The following ISM1 variants were observed in gnomAD, a reference collection of about 807,000 sequenced individuals.
ISM1 encodes isthmin-1.
Under a neutral mutation model 46.3 loss-of-function variants are expected in ISM1, and 25 were observed. That is an observed-to-expected ratio of 0.54 (90% CI 0.39 to 0.75). The LOEUF (loss-of-function observed/expected upper bound fraction) is 0.75, where lower values mean the gene tolerates loss of function less well. ISM1 is among the 30% of genes least tolerant of loss of function. ISM1 has a pLI of 0.00. For missense variants in ISM1, 536 were observed against 625.4 expected, an observed-to-expected ratio of 0.86 and a Z score of 1.52; for synonymous variants, 255 against 256.7, an observed-to-expected ratio of 0.99 and a Z score of 0.06.
At chr20:13,272,897 A>C (rs1263313108) in intron 2 of ISM1, among the ~76,000 whole-genome samples, 1 of 152,252 alleles carries the variant, frequency 6.6e-6, no homozygotes, top group African/African-American at 2.4e-5. Context: ...TGTTTAGGCC[A>C]TGCCCAAAAC....
intron 1 of ISM1, among the ~76,000 whole-genome samples, chr20:13,268,112 C>CTCTCTTCTCTTCTCT: frequency 1.2e-5 from 1 of 86,550 alleles, no homozygotes; most frequent in African/African-American, 5.5e-5. Context: ...CTCTCCTCTC[C>CTCTCTTCTCTTCTCT]TGTCTTCTCT....
At chr20:13,290,967 C>A (rs1016709580) in intron 4 of ISM1, among the ~76,000 whole-genome samples, 1 of 152,206 alleles carries the variant, frequency 6.6e-6, no homozygotes, top group Admixed American at 6.5e-5. Context: ...TCATTAAACT[C>A]TTTGGTCTTT....
At chr20:13,298,876 C>T in intron 5 of ISM1, 66 bp from the exon 6 acceptor site, 1 of 1,534,770 alleles carries the variant, frequency 6.5e-7, no homozygotes. Context: ...GTCACATGCT[C>T]CTTGAAGCAC....
At chr20:13,257,135 G>A (rs2039937972) in intron 1 of ISM1, among the ~76,000 whole-genome samples, 1 of 152,194 alleles carries the variant, frequency 6.6e-6, no homozygotes, top group Non-Finnish European at 1.5e-5. Context: ...TCAACATGAA[G>A]CTCCTCTTTT....
chr20:13,267,729 A>C (rs2040058906), intron 1 of ISM1, among the ~76,000 whole-genome samples: 1 of 152,188 alleles, frequency 6.6e-6, no homozygotes, highest in Non-Finnish European at 1.5e-5. Flanking sequence ...AGTAGCAAAA[A>C]CACATTTTCT....
intron 2 of ISM1, among the ~76,000 whole-genome samples, chr20:13,272,154 C>A (rs2040122532): frequency 1.3e-5 from 2 of 152,064 alleles, no homozygotes; most frequent in Non-Finnish European, 2.9e-5. Context: ...CTCTCTGGAC[C>A]AAATGCCAAT....
At chr20:13,283,610 G>C (rs1260499622) in intron 3 of ISM1, among the ~76,000 whole-genome samples, 2 of 152,222 alleles carry the variant, frequency 1.3e-5, no homozygotes, top group Non-Finnish European at 2.9e-5. Context: ...CAGCTCAACT[G>C]TGGAAAGTAT....
downstream of ISM1, among the ~76,000 whole-genome samples, chr20:13,303,903 C>T (rs1183427788): frequency 6.6e-6 from 1 of 152,158 alleles, no homozygotes; most frequent in Non-Finnish European, 1.5e-5. Context: ...ATGCTGGTTG[C>T]TGTAACAAAT....
the ISM1 span, among the ~76,000 whole-genome samples, chr20:13,315,895 A>G: frequency 1.2e-4 from 19 of 152,156 alleles, no homozygotes; most frequent in Middle Eastern, 0.01. Context: ...TCTAAATAAC[A>G]CATGGGTCAA....
chr20:13,247,181 A>ATAGGG, intron 1 of ISM1, among the ~76,000 whole-genome samples: 1 of 152,246 alleles, frequency 6.6e-6, no homozygotes, highest in East Asian at 1.9e-4. Context: ...CAGTGAGCCG[A>ATAGGG]GATCGCACCA....
chr20:13,238,016 T>C (rs1568664845), intron 1 of ISM1: 1 of 152,162 alleles, frequency 6.6e-6, no homozygotes, highest in Non-Finnish European at 1.5e-5. Flanking sequence ...TCATTCCCCT[T>C]AAAAGGAACT....
the ISM1 span, among the ~76,000 whole-genome samples, chr20:13,309,808 T>C: frequency 6.6e-6 from 1 of 151,194 alleles, no homozygotes; most frequent in Non-Finnish European, 1.5e-5. Flanking sequence ...AAAAAAACTA[T>C]CCAAAAAAGA....
At chr20:13,232,918 C>T (rs941986407) in intron 1 of ISM1, among the ~76,000 whole-genome samples, 3 of 151,988 alleles carry the variant, frequency 2.0e-5, no homozygotes, top group African/African-American at 4.8e-5. Context: ...TTCAGAATGC[C>T]CAAAGTAGTC....
Position 13,221,669 on chromosome 20 carries a change from G to A in ISM1, c.-108G>A, listed in dbSNP as rs1409115263. The A allele has an allele frequency of 1.1e-5, 11 of 986,818 alleles. No individual in the cohort carries two copies. In the South Asian group the frequency reaches 4.4e-4, roughly 40 times the overall value. 61.1% of individuals were successfully genotyped at this position (986,818 alleles called of 1,614,324 possible). A position where few individuals can be genotyped will look rare whatever the true frequency, so the allele number is the denominator to read the frequency against. On this transcript the variant is annotated 5_prime_UTR_variant, in exon 1 of 6. Transcript: ENST00000262487. The stretch of plus-strand genomic sequence containing the variant: ...AAGCGGAGCCCTGGCGGGAGCCGAG[G>A]CGGGAGCCGCGCTGCCGGGCTCCCG...
At chr20:13,286,747 T>C (rs1234665138) in intron 3 of ISM1, among the ~76,000 whole-genome samples, 1 of 152,196 alleles carries the variant, frequency 6.6e-6, no homozygotes, top group Non-Finnish European at 1.5e-5. Context: ...GTGAATGCCA[T>C]GTAAACAACA....
At chr20:13,311,317 C>T in the ISM1 span, among the ~76,000 whole-genome samples, 3 of 151,708 alleles carry the variant, frequency 2.0e-5, no homozygotes, top group Non-Finnish European at 2.9e-5. Flanking sequence ...AAAAGGAGAA[C>T]TCTTGTACAC....
At chr20:13,260,605 T>G (rs2039978365) in intron 1 of ISM1, among the ~76,000 whole-genome samples, 1 of 151,888 alleles carries the variant, frequency 6.6e-6, no homozygotes, top group Non-Finnish European at 1.5e-5. Flanking sequence ...AAGTGGAGTT[T>G]TTTTTTTTTT....
intron 1 of ISM1, among the ~76,000 whole-genome samples, chr20:13,243,612 A>T (rs2039756841): frequency 6.6e-6 from 1 of 151,014 alleles, no homozygotes; most frequent in East Asian, 1.9e-4. Flanking sequence ...AATGCCATTG[A>T]CTGCCATGCA....
At chr20:13,266,742 G>T (rs2040047327) in intron 1 of ISM1, among the ~76,000 whole-genome samples, 1 of 152,092 alleles carries the variant, frequency 6.6e-6, no homozygotes, top group Admixed American at 6.6e-5. Flanking sequence ...CTTTCCTAAG[G>T]TATCATTTTC....
Sources: allele counts gnomAD v4.1 joint callset (sites outside exome capture counted in the v4.1 genomes callset), GRCh38; gene constraint gnomAD v4.1.1; transcripts MANE v1.5; gene names NCBI Gene and HGNC (gene_info 2026-07-23, HGNC 2026-07-21).